The following NUCKS1 variants were observed in gnomAD, a reference collection of about 807,000 sequenced individuals.
NUCKS1 encodes nuclear casein kinase and cyclin dependent kinase substrate 1, also known as nuclear ubiquitous casein and cyclin-dependent kinase substrate 1.
A neutral mutation model predicts 33.0 loss-of-function variants in NUCKS1; 2 were observed. The ratio of observed to expected loss-of-function variants is 0.06; its 90% CI spans 0.02 to 0.19. The LOEUF (loss-of-function observed/expected upper bound fraction) is 0.19, where lower values mean the gene tolerates loss of function less well. NUCKS1 is among the 10% of genes least tolerant of loss of function. The pLI, the probability that NUCKS1 is intolerant of heterozygous loss-of-function variation, is 1.00. For missense variants in NUCKS1, 201 were observed against 293.6 expected (o/e 0.68, Z 2.31); for synonymous variants, 106 against 102.8 (o/e 1.03, Z -0.19).
At chr1:205,724,387 T>G (rs1671968337) in intron 3 of NUCKS1, among the ~76,000 whole-genome samples, 1 of 152,128 alleles carries the variant, frequency 6.6e-6, no homozygotes. Context: ...TGCTAAAATA[T>G]CTAAAATTAT....
chr1:205,718,385 A>G lies in NUCKS1; in HGVS notation c.627T>C (p.Asp209=), dbSNP rs746827415. ...TTTCTGGCGGGCTTTCCGGTTCCTC[A>G]TCTTCTTCTTTGGGAGAAGGAGTCT... is the stretch of plus-strand genomic sequence containing the variant. ...KEKTPSPKEE[D]EEPESPPEKK... is the part of the protein sequence containing the mutation. The change falls in exon 7 of 7, where the codon GAT becomes GAC. Residue 209 remains aspartate, a synonymous_variant. Transcript: ENST00000367142. 52 of 1,613,296 alleles carry G rather than the reference A, an allele frequency of 3.2e-5. No individual in the cohort carries two copies. The highest frequency in any genetic ancestry group is 8.5e-7 in the Non-Finnish European group (1 of 1,179,936).
At chr1:205,749,925 A>T in intron 1 of NUCKS1, 32 bp downstream of exon 1, 4 of 1,325,658 alleles carry the variant, frequency 3.0e-6, no homozygotes, top group Non-Finnish European at 4.1e-6. Context: ...ATCCCCCTCC[A>T]ACCCGCTCCA....
intron 1 of NUCKS1, among the ~76,000 whole-genome samples, chr1:205,741,793 C>T (rs564906542): frequency 6.6e-6 from 1 of 152,222 alleles, no homozygotes; most frequent in South Asian, 2.1e-4. Context: ...GTCCTATTTC[C>T]TGGGAAAGAA....
Position 205,717,738 on chromosome 1 carries a change from T to TA in NUCKS1, c.*541dup. The TA allele has an allele frequency of 1.0e-6, 1 of 985,284 alleles. No individual in the cohort carries two copies. Among genetic ancestry groups the TA allele is most frequent in the Non-Finnish European group, 1.2e-6 (1 of 829,808 alleles). 61.0% of individuals were successfully genotyped at this position (985,284 alleles called of 1,614,324 possible). A position where few individuals can be genotyped will look rare whatever the true frequency, so the allele number is the denominator to read the frequency against. On this transcript the variant is annotated 3_prime_UTR_variant, in exon 7 of 7. Transcript: ENST00000367142. Reference sequence around the variant, plus strand: ...GGAAGTTTAAAGTCATGATTTTTTTTAGACATTGATACTTGTGTCTATAGA... The same window carrying TA: ...GGAAGTTTAAAGTCATGATTTTTTTTAAGACATTGATACTTGTGTCTATAGA...
chr1:205,737,299 C>T (rs938851120), intron 1 of NUCKS1, among the ~76,000 whole-genome samples: 2 of 152,174 alleles, frequency 1.3e-5, no homozygotes, highest in African/African-American at 2.4e-5. Flanking sequence ...CTAAAACCTC[C>T]TTTTCCATAA....
chr1:205,724,475 C>G (rs1382858249), intron 3 of NUCKS1, among the ~76,000 whole-genome samples: 1 of 152,146 alleles, frequency 6.6e-6, no homozygotes, highest in Non-Finnish European at 1.5e-5. Flanking sequence ...AGGCAGATTG[C>G]TGGAGGCCAG....
chr1:205,724,703 C>T (rs1014500961), intron 3 of NUCKS1, among the ~76,000 whole-genome samples: 1 of 151,426 alleles, frequency 6.6e-6, no homozygotes, highest in Non-Finnish European at 1.5e-5. Flanking sequence ...CCACCCCCCC[C>T]AAAAAAAGGA....
chr1:205,747,206 G>C (rs1244676156), intron 1 of NUCKS1, among the ~76,000 whole-genome samples: 7 of 152,194 alleles, frequency 4.6e-5, no homozygotes, highest in African/African-American at 1.7e-4. Context: ...GGAAATCTAG[G>C]TTCTCAGCCC....
At chr1:205,742,207 C>T (rs200504095) in intron 1 of NUCKS1, among the ~76,000 whole-genome samples, 2 of 152,154 alleles carry the variant, frequency 1.3e-5, no homozygotes, top group East Asian at 1.9e-4. Flanking sequence ...CCAAAGGTAG[C>T]TGGAAGGGAA....
chr1:205,743,149 T>C (rs149273127), intron 1 of NUCKS1, among the ~76,000 whole-genome samples: 1 of 152,274 alleles, frequency 6.6e-6, no homozygotes, highest in East Asian at 1.9e-4. Flanking sequence ...CGTTACACAG[T>C]ATGGTGACTG....
rs1671794701 is a variant in NUCKS1 at position 205,714,712 on chromosome 1, G to C, written c.*3568C>G. On this transcript the variant is annotated 3_prime_UTR_variant, in exon 7 of 7. Transcript: ENST00000367142. ...AATTTTCTAACCTCAAGAGCAACCAGCTTGTTACATTTTCCCTATCCTATG... is the reference window on the plus strand; with the variant it reads ...AATTTTCTAACCTCAAGAGCAACCACCTTGTTACATTTTCCCTATCCTATG... 1 of 152,088 alleles carries C rather than the reference G, an allele frequency of 6.6e-6. No individual in the cohort carries two copies. The highest frequency in any genetic ancestry group is 2.4e-5 in the African/African-American group (1 of 41,410). 9.4% of individuals were successfully genotyped at this position (152,088 alleles called of 1,614,324 possible).
At chr1:205,731,347 C>T (rs904749997) in intron 1 of NUCKS1, 1 of 152,272 alleles carries the variant, frequency 6.6e-6, no homozygotes, top group African/African-American at 2.4e-5. Flanking sequence ...GTGAGAATAT[C>T]TGCAGAATCT....
rs1671883169 is a variant in NUCKS1, at chr1:205,719,428, A to G, written c.532+99T>C. The G allele has an allele frequency of 9.0e-6, 11 of 1,217,058 alleles. No homozygotes were observed. In the East Asian group the frequency reaches 2.6e-4, roughly 28 times the overall value. 75.4% of individuals were successfully genotyped at this position (1,217,058 alleles called of 1,614,324 possible). A position where few individuals can be genotyped will look rare whatever the true frequency, so the allele number is the denominator to read the frequency against. On this transcript the variant is annotated intron_variant, in intron 6 of 6. Transcript: ENST00000367142. ...ATTTCTTGTATTCCTGCTAAACATC[A>G]GGCCAATGCCAAATCCTAATGAGGA...
rs530356454 is a variant in NUCKS1, at chr1:205,720,244, T to C, written c.382+257A>G. On this transcript the variant is annotated intron_variant, in intron 5 of 6. Transcript: ENST00000367142. ...CTAATGTGACTGTTACTTAAGCAAA[T>C]TGTTCATTCAGTGTTTGAACACAGA... Among the ~76,000 whole-genome samples, 210 of 152,302 alleles carry C rather than the reference T, an allele frequency of 1.4e-3. 1 individual carries two copies. The highest frequency in any genetic ancestry group is 4.8e-3 in the African/African-American group (201 of 41,558).
In NUCKS1 at chr1:205,720,618, C is replaced by T. The variant is rs775917948; in HGVS notation, c.265G>A (p.Val89Met). The T allele has an allele frequency of 1.2e-6, 2 of 1,614,020 alleles. No homozygotes were observed. Among genetic ancestry groups the T allele is most frequent in the Non-Finnish European group, 1.7e-6 (2 of 1,179,982 alleles). Residue 89 changes from valine to methionine, a missense_variant, in exon 5 of 7, where the codon GTG becomes ATG. By Grantham distance (21) the Val-to-Met change is conservative. Coordinates refer to ENST00000367142, the MANE Select transcript of NUCKS1 (RefSeq NM_022731.5). ...SEDEKEDHKN[V>M]RQQRQAASKA... ...GATGCCGCCTGCCGTTGTTGGCGCA[C>T]ATTTTTATGATCTTCTTTTTCATCT...
At chr1:205,743,357 C>G (rs1342000700) in intron 1 of NUCKS1, among the ~76,000 whole-genome samples, 3 of 152,074 alleles carry the variant, frequency 2.0e-5, no homozygotes, top group African/African-American at 7.2e-5. Context: ...CTATATAAAC[C>G]CAGAAGAGGC....
intron 1 of NUCKS1, among the ~76,000 whole-genome samples, chr1:205,747,782 G>A (rs914957903): frequency 6.6e-6 from 1 of 152,098 alleles, no homozygotes; most frequent in Non-Finnish European, 1.5e-5. Context: ...AGGGAATATA[G>A]ATTCTTCAAT....
At chr1:205,719,991 A>G (rs1671893192) in intron 5 of NUCKS1, among the ~76,000 whole-genome samples, 1 of 152,256 alleles carries the variant, frequency 6.6e-6, no homozygotes, top group Non-Finnish European at 1.5e-5. Context: ...ATCACTTCCA[A>G]GTAGTACTGG....
rs529150167 is a variant in NUCKS1 at position 205,731,751 on chromosome 1, G to A, written c.18-2130C>T. Among the ~76,000 whole-genome samples, 8 of 152,212 alleles carry A rather than the reference G, an allele frequency of 5.3e-5. No homozygotes were observed. In the East Asian group the frequency reaches 1.5e-3, roughly 29 times the overall value. On this transcript the variant is annotated intron_variant, in intron 1 of 6. Transcript: ENST00000367142. ...CTAAAAATACTAAAAAATTAGCTGG[G>A]TGTGGTGGCGGGCGCCTGTAGTCCC... is the stretch of plus-strand genomic sequence containing the variant.
Sources: gnomAD v4.1 joint callset for allele counts (sites outside exome capture counted in the v4.1 genomes callset) on GRCh38, gnomAD v4.1.1 for gene constraint, MANE v1.5 for transcripts, NCBI Gene and HGNC (gene_info 2026-07-23, HGNC 2026-07-21) for gene names.